The following ARHGAP44 variants were observed in gnomAD, a reference collection of about 807,000 sequenced individuals.
ARHGAP44 encodes the protein Rho GTPase activating protein 44.
In ARHGAP44, 43 loss-of-function variants were observed where a neutral mutation model predicts 106.8. The observed-to-expected ratio is 0.40, with a 90% CI of 0.32 to 0.52. The LOEUF is 0.52. ARHGAP44 is among the 20% of genes least tolerant of loss of function. The pLI is 0.48. For synonymous variants in ARHGAP44, 439 were observed against 410.3 expected, an observed-to-expected ratio of 1.07 and a Z score of -0.85; for missense variants, 866 against 1,050.5, an observed-to-expected ratio of 0.82 and a Z score of 2.43.
chr17:12,850,763 G>A (rs2035717683), intron 1 of ARHGAP44, among the ~76,000 whole-genome samples: 2 of 152,200 alleles, frequency 1.3e-5, no homozygotes, highest in African/African-American at 2.4e-5. Flanking sequence ...ACAAGCACAG[G>A]TATTTTGTGT....
At chr17:12,836,482 T>C (rs964383930) in intron 1 of ARHGAP44, among the ~76,000 whole-genome samples, 6 of 151,388 alleles carry the variant, frequency 4.0e-5, no homozygotes, top group South Asian at 2.1e-4. Context: ...ACACTGTCTC[T>C]ACTAAAAATA....
At chr17:12,791,838 C>T (rs17630644) in intron 1 of ARHGAP44, among the ~76,000 whole-genome samples, 3,582 of 152,216 alleles carry the variant, frequency 0.024, 65 homozygotes, top group Non-Finnish European at 0.039. Context: ...TGCCTTTCTC[C>T]GTTGGTAGCC....
At chr17:12,946,635 C>T (rs1231260586) in intron 10 of ARHGAP44, among the ~76,000 whole-genome samples, 2 of 151,888 alleles carry the variant, frequency 1.3e-5, no homozygotes, top group African/African-American at 4.8e-5. Context: ...CCCGTCTCTA[C>T]TAAAAATACA....
intron 3 of ARHGAP44, among the ~76,000 whole-genome samples, chr17:12,898,876 G>C (rs908200608): frequency 1.3e-5 from 2 of 152,324 alleles, no homozygotes; most frequent in Admixed American, 6.5e-5. Flanking sequence ...CATGCATGCA[G>C]TGATAAACGT....
intron 16 of ARHGAP44, among the ~76,000 whole-genome samples, chr17:12,964,035 C>T (rs2039331429): frequency 6.6e-6 from 1 of 152,134 alleles, no homozygotes; most frequent in Non-Finnish European, 1.5e-5. Flanking sequence ...ATAGGGTGTC[C>T]TAACTCCACC....
intron 1 of ARHGAP44, among the ~76,000 whole-genome samples, chr17:12,889,259 C>A (rs2036971005): frequency 6.6e-6 from 1 of 151,762 alleles, no homozygotes; most frequent in Non-Finnish European, 1.5e-5. Context: ...TGTCTTGTTC[C>A]ATTTTGTGCT....
chr17:12,832,017 G>A (rs981309992), intron 1 of ARHGAP44, among the ~76,000 whole-genome samples: 7 of 152,320 alleles, frequency 4.6e-5, no homozygotes, highest in Non-Finnish European at 1.0e-4. Context: ...GGCCAGAAGA[G>A]TGCTCTGATT....
intron 18 of ARHGAP44, among the ~76,000 whole-genome samples, chr17:12,978,056 A>AAAAAAAAAAAAAAAAAAAAAAAAAAAATT: frequency 6.7e-6 from 1 of 149,214 alleles, no homozygotes; most frequent in South Asian, 2.1e-4. Flanking sequence ...AAAAAAAAAA[A>AAAAAAAAAAAAAAAAAAAAAAAAAAAATT]GTGTGTTTCG....
chr17:12,938,582 T>TAAA (rs67037408), intron 7 of ARHGAP44, among the ~76,000 whole-genome samples: 10 of 126,994 alleles, frequency 7.9e-5, no homozygotes, highest in South Asian at 2.6e-4. Flanking sequence ...AGCTATATAT[T>TAAA]AAAAAAAAAA....
intron 1 of ARHGAP44, among the ~76,000 whole-genome samples, chr17:12,860,419 C>G (rs1376935344): frequency 6.6e-6 from 1 of 152,090 alleles, no homozygotes; most frequent in Non-Finnish European, 1.5e-5. Context: ...TTTGGCTGTT[C>G]CATTTATTGG....
At chr17:12,953,572 C>T (rs1215440703) in intron 13 of ARHGAP44, among the ~76,000 whole-genome samples, 2 of 152,186 alleles carry the variant, frequency 1.3e-5, no homozygotes, top group Non-Finnish European at 2.9e-5. Flanking sequence ...TTTTCACACT[C>T]GTATTCGTAG....
At chr17:12,889,916 A>G (rs750181757) in intron 1 of ARHGAP44, among the ~76,000 whole-genome samples, 5 of 152,268 alleles carry the variant, frequency 3.3e-5, no homozygotes, top group Admixed American at 3.3e-4. Flanking sequence ...CCAAAATCCA[A>G]TAGGGAAAAT....
At chr17:12,952,277 G>A (rs1484814641) in intron 12 of ARHGAP44, among the ~76,000 whole-genome samples, 1 of 152,136 alleles carries the variant, frequency 6.6e-6, no homozygotes, top group Non-Finnish European at 1.5e-5. Context: ...ATTCACTTGG[G>A]GCCTCTGAGG....
At chr17:12,876,815 G>A (rs1156585178) in intron 1 of ARHGAP44, among the ~76,000 whole-genome samples, 1 of 151,232 alleles carries the variant, frequency 6.6e-6, no homozygotes, top group Non-Finnish European at 1.5e-5. Context: ...GGAGGCTGAG[G>A]CAAGAGAATC....
intron 1 of ARHGAP44, among the ~76,000 whole-genome samples, chr17:12,860,656 A>G (rs1244427333): frequency 2.0e-5 from 3 of 151,684 alleles, no homozygotes; most frequent in Admixed American, 1.3e-4. Flanking sequence ...CTTATTTTCC[A>G]TTCCCCATTT....
At chr17:12,986,931 T>C (rs1312847668) in intron 20 of ARHGAP44, 2 of 608,616 alleles carry the variant, frequency 3.3e-6, no homozygotes, top group African/African-American at 1.9e-5. Flanking sequence ...CAGCAGACTG[T>C]TGTTTTGTCC....
chr17:12,843,828 G>A (rs1316600252), intron 1 of ARHGAP44, among the ~76,000 whole-genome samples: 1 of 150,800 alleles, frequency 6.6e-6, no homozygotes, highest in Non-Finnish European at 1.5e-5. Flanking sequence ...GCTAATTTTT[G>A]TGTTTTTAGT....
Position 12,907,359 on chromosome 17 carries a change from G to A in ARHGAP44, c.199-1538G>A, listed in dbSNP as rs542304598. Among the ~76,000 whole-genome samples the A allele has an allele frequency of 1.2e-4, 19 of 152,242 alleles. No individual in the cohort carries two copies. The East Asian group carries it at 2.7e-3, about 22-fold the overall frequency. On this transcript the variant is annotated intron_variant, in intron 3 of 20. Coordinates refer to ENST00000379672, the MANE Select transcript of ARHGAP44 (RefSeq NM_014859.6). Reference sequence around the variant, plus strand: ...CTCCCTCCCTGTAACATAAAATGTAGCATTTAAAAGTGTACAGTGGTTTTA... The same window carrying A: ...CTCCCTCCCTGTAACATAAAATGTAACATTTAAAAGTGTACAGTGGTTTTA...
intron 1 of ARHGAP44, among the ~76,000 whole-genome samples, chr17:12,814,440 C>A (rs1292373818): frequency 1.3e-5 from 2 of 151,756 alleles, no homozygotes; most frequent in African/African-American, 4.8e-5. Flanking sequence ...GGGGTTTCAC[C>A]ATGTTGGCCA....
Sources: allele counts gnomAD v4.1 joint callset (sites outside exome capture counted in the v4.1 genomes callset), GRCh38; gene constraint gnomAD v4.1.1; transcripts MANE v1.5; gene names NCBI Gene and HGNC (gene_info 2026-07-23, HGNC 2026-07-21).